THRB: variants seen among roughly 807,000 people sequenced by gnomAD.
THRB encodes the protein thyroid hormone receptor beta.
THRB carries 12 observed loss-of-function variants against 47.8 expected under a neutral mutation model. The observed-to-expected ratio is 0.25, with a 90% CI of 0.16 to 0.41. The LOEUF (loss-of-function observed/expected upper bound fraction) is 0.41. THRB is among the 10% of genes least tolerant of loss of function. The pLI is 1.00. For missense variants in THRB, 348 were observed against 589.2 expected (o/e 0.59, Z 4.24); for synonymous variants, 218 against 212.2 (o/e 1.03, Z -0.24).
At position 24,305,609 on chromosome 3, in the gene THRB, T is replaced by C. The variant is rs913956203; in HGVS notation, c.-188-8238A>G. Among the ~76,000 whole-genome samples, 32 of 152,220 alleles carry C rather than the reference T, an allele frequency of 2.1e-4. 1 individual carries two copies. Among genetic ancestry groups the C allele is most frequent in the African/African-American group, 6.8e-4 (28 of 41,458 alleles). ...CAAATGAGAAAAATTATATTTTCAT[T>C]GTAAAAGCAAACTGGTTATAATGGG... On this transcript the variant is annotated intron_variant, in intron 2 of 10. Coordinates refer to ENST00000646209, the MANE Select transcript of THRB (RefSeq NM_001354712.2).
chr3:24,178,923 C>T (rs1434594101), intron 5 of THRB, among the ~76,000 whole-genome samples: 1 of 152,088 alleles, frequency 6.6e-6, no homozygotes, highest in African/African-American at 2.4e-5. Context: ...TATAATGTGG[C>T]AAAACATAAC....
At chr3:24,375,650 C>T (rs1577179528) in intron 1 of THRB, among the ~76,000 whole-genome samples, 4 of 151,462 alleles carry the variant, frequency 2.6e-5, no homozygotes, top group African/African-American at 9.7e-5. Context: ...TTAGACCCCC[C>T]CAGACTACTA....
rs75392849 is a variant in THRB at position 24,413,145 on chromosome 3, T to C, written c.-260-75774A>G. On this transcript the variant is annotated intron_variant, in intron 1 of 10. Transcript: ENST00000646209. ...GAACAGCTTTATACACAAAAATGTTTACTGCAATATTATTTTAAATAGTCA... is the reference window on the plus strand; with the variant it reads ...GAACAGCTTTATACACAAAAATGTTCACTGCAATATTATTTTAAATAGTCA... Among the ~76,000 whole-genome samples the C allele has an allele frequency of 3.9e-5, 6 of 152,030 alleles. No homozygotes were observed. The East Asian group carries it at 1.2e-3, about 30-fold the overall frequency.
chr3:24,282,178 C>G (rs1292608180), intron 3 of THRB, among the ~76,000 whole-genome samples: 26 of 42,934 alleles, frequency 6.1e-4, no homozygotes, highest in Non-Finnish European at 8.3e-4. Context: ...TGACCACATA[C>G]TTGGAAGTAA....
rs545731208 is a variant in THRB at position 24,277,847 on chromosome 3, T to C, written c.-43+19379A>G. On this transcript the variant is annotated intron_variant, in intron 3 of 10. Coordinates refer to ENST00000646209, the MANE Select transcript of THRB (RefSeq NM_001354712.2). The stretch of plus-strand genomic sequence containing the variant: ...AAAGAATTACTGGCAGTCTCTAAGA[T>C]TCAAGCTTGTTACAATAAATCAGCC... Among the ~76,000 whole-genome samples, 5 of 152,330 alleles carry C rather than the reference T, an allele frequency of 3.3e-5. No homozygotes were observed. The South Asian group carries it at 1.0e-3, about 32-fold the overall frequency.
intron 5 of THRB, among the ~76,000 whole-genome samples, chr3:24,184,823 C>T (rs1007194090): frequency 3.9e-5 from 6 of 152,182 alleles, no homozygotes; most frequent in Non-Finnish European, 7.3e-5. Flanking sequence ...GATGGTAGTA[C>T]TGGCGGAAGG....
intron 1 of THRB, among the ~76,000 whole-genome samples, chr3:24,447,872 G>C (rs1577642872): frequency 1.3e-5 from 2 of 151,998 alleles, no homozygotes; most frequent in South Asian, 4.2e-4. Flanking sequence ...ACTATAAAGA[G>C]AAAAGTAGTT....
chr3:24,359,114 G>T (rs776245364), intron 1 of THRB, among the ~76,000 whole-genome samples: 3 of 152,128 alleles, frequency 2.0e-5, no homozygotes, highest in Non-Finnish European at 4.4e-5. Context: ...TGATGATTTT[G>T]TGGGTCCAGA....
intron 4 of THRB, among the ~76,000 whole-genome samples, chr3:24,193,263 G>C (rs1175562267): frequency 1.3e-5 from 2 of 152,156 alleles, no homozygotes; most frequent in African/African-American, 4.8e-5. Context: ...GGTTAAGTCA[G>C]TGATTCTCAA....
chr3:24,411,095 C>G (rs778272042), intron 1 of THRB, among the ~76,000 whole-genome samples: 1 of 151,752 alleles, frequency 6.6e-6, no homozygotes, highest in Non-Finnish European at 1.5e-5. Context: ...TGCTGTGAAG[C>G]TGGCTTTTTC....
At chr3:24,462,799 A>C (rs1365312744) in intron 1 of THRB, among the ~76,000 whole-genome samples, 1 of 152,212 alleles carries the variant, frequency 6.6e-6, no homozygotes, top group Non-Finnish European at 1.5e-5. Flanking sequence ...AATGGCATTG[A>C]AAGATGGCAG....
intron 1 of THRB, chr3:24,494,274 T>C (rs1465818876): frequency 2.0e-5 from 3 of 152,446 alleles, no homozygotes; most frequent in Admixed American, 6.5e-5. Context: ...AAACTTCCAC[T>C]GGGTTCGGCG....
chr3:24,277,975 G>A (rs1021524028), intron 3 of THRB, among the ~76,000 whole-genome samples: 3 of 148,548 alleles, frequency 2.0e-5, no homozygotes, highest in Non-Finnish European at 2.9e-5. Flanking sequence ...CCCCATGCAT[G>A]GACAGTTTCA....
At chr3:24,366,777 C>T (rs1015874045) in intron 1 of THRB, among the ~76,000 whole-genome samples, 2 of 151,892 alleles carry the variant, frequency 1.3e-5, no homozygotes, top group African/African-American at 2.4e-5. Context: ...CATGCCACCA[C>T]ACCAGGTTAA....
At chr3:24,432,539 A>G (rs1233405720) in intron 1 of THRB, among the ~76,000 whole-genome samples, 1 of 152,118 alleles carries the variant, frequency 6.6e-6, no homozygotes, top group Admixed American at 6.6e-5. Context: ...TATGAGAAGT[A>G]TTTGAAAAAA....
At chr3:24,281,401 AC>A (rs2054589901) in intron 3 of THRB, among the ~76,000 whole-genome samples, 1 of 152,042 alleles carries the variant, frequency 6.6e-6, no homozygotes, top group South Asian at 2.1e-4. Flanking sequence ...AGATTTTGTC[AC>A]CACCAGGCCT....
At chr3:24,168,490 A>AATATATATATATATATAT (rs370230507) in intron 5 of THRB, among the ~76,000 whole-genome samples, 15 of 138,008 alleles carry the variant, frequency 1.1e-4, no homozygotes, top group Middle Eastern at 3.8e-3. Flanking sequence ...TTCAATCAAT[A>AATATATATATATATATAT]ATATATATAT....
intron 1 of THRB, among the ~76,000 whole-genome samples, chr3:24,416,079 T>C (rs1317634079): frequency 6.6e-6 from 1 of 151,872 alleles, no homozygotes; most frequent in Non-Finnish European, 1.5e-5. Context: ...AAGAGTGCAA[T>C]TGTGAAATTT....
intron 1 of THRB, among the ~76,000 whole-genome samples, chr3:24,451,421 G>C (rs1054732726): frequency 6.6e-6 from 1 of 151,898 alleles, no homozygotes; most frequent in Non-Finnish European, 1.5e-5. Flanking sequence ...ATTTTTAGTA[G>C]AGATGGGGTT....
Sources: allele counts gnomAD v4.1 joint callset (sites outside exome capture counted in the v4.1 genomes callset), GRCh38; gene constraint gnomAD v4.1.1; transcripts MANE v1.5; gene names NCBI Gene and HGNC (gene_info 2026-07-23, HGNC 2026-07-21).